The following HS6ST2 variants were observed in gnomAD, a reference collection of about 807,000 sequenced individuals.
HS6ST2 encodes the protein heparan-sulfate 6-O-sulfotransferase 2.
HS6ST2 carries 17 observed loss-of-function variants against 33.0 expected under a neutral mutation model. The ratio of observed to expected loss-of-function variants is 0.52; its 90% CI spans 0.35 to 0.77. HS6ST2 has a LOEUF of 0.77. HS6ST2 is among the 30% of genes least tolerant of loss of function. The probability of loss-of-function intolerance (pLI) is 0.01; values close to 1 mark genes in which losing one functional copy is unlikely to be tolerated. For synonymous variants in HS6ST2, 248 were observed against 237.1 expected (o/e 1.05, Z -0.42); for missense variants, 519 against 551.7 (o/e 0.94, Z 0.59).
intron 4 of HS6ST2, among the ~76,000 whole-genome samples, chrX:132,644,459 G>A (rs858622): frequency 0.45 from 49,052 of 110,010 alleles, 9,582 homozygotes; most frequent in African/African-American, 0.76. Flanking sequence ...TTGGTCAGCA[G>A]TGGGTCTAGG....
intron 2 of HS6ST2, among the ~76,000 whole-genome samples, chrX:132,766,399 A>G (rs1328229251): frequency 8.9e-6 from 1 of 112,202 alleles, no homozygotes; most frequent in Non-Finnish European, 1.9e-5. Context: ...AAGTGGTTAA[A>G]TGGAGGGCAG....
At chrX:132,869,665 C>A (rs1353095149) in intron 2 of HS6ST2, among the ~76,000 whole-genome samples, 1 of 111,910 alleles carries the variant, frequency 8.9e-6, no homozygotes, top group Non-Finnish European at 1.9e-5. Flanking sequence ...ATGACAAAAA[C>A]CACATGATTA....
At position 132,627,295 on chromosome X, in the gene HS6ST2, A is replaced by T. The variant is rs905774640; in HGVS notation, c.*928T>A. On this transcript the variant is annotated 3_prime_UTR_variant, in exon 5 of 5. Transcript: ENST00000370833. ...CTATAGAAAGAAAGTCCTGACTTTA[A>T]TCCAGGATTATATACCACAATAACT... 18 of 112,656 alleles carry T rather than the reference A, an allele frequency of 1.6e-4. No individual in the cohort carries two copies. The highest frequency in any genetic ancestry group is 5.8e-4 in the African/African-American group (18 of 30,979). 9.3% of individuals were successfully genotyped at this position (112,656 alleles called of 1,213,427 possible). A position where few individuals can be genotyped will look rare whatever the true frequency, so the allele number is the denominator to read the frequency against.
chrX:132,762,665 C>G (rs1295123294), intron 2 of HS6ST2, among the ~76,000 whole-genome samples: 1 of 111,389 alleles, frequency 9.0e-6, no homozygotes, highest in African/African-American at 3.3e-5. Context: ...CAGAAACAAG[C>G]TTTCAGACAT....
At chrX:132,771,543 C>T (rs1317715509) in intron 2 of HS6ST2, among the ~76,000 whole-genome samples, 1 of 111,237 alleles carries the variant, frequency 9.0e-6, no homozygotes. Flanking sequence ...CCTTTGTGTT[C>T]GGCATATAAC....
intron 2 of HS6ST2, among the ~76,000 whole-genome samples, chrX:132,858,519 A>G (rs973527712): frequency 2.7e-5 from 3 of 112,104 alleles, no homozygotes; most frequent in African/African-American, 9.7e-5. Context: ...AAAAGTAGAA[A>G]GAAGATGTAT....
chrX:132,733,650 A>C (rs1307613954), intron 2 of HS6ST2, among the ~76,000 whole-genome samples: 1 of 111,531 alleles, frequency 9.0e-6, no homozygotes, highest in East Asian at 2.8e-4. Flanking sequence ...GATTCAGAAC[A>C]GCAAAAAGCT....
chrX:132,677,741 C>G (rs1213402759), intron 3 of HS6ST2, among the ~76,000 whole-genome samples: 1 of 112,256 alleles, frequency 8.9e-6, no homozygotes, highest in East Asian at 2.8e-4. Flanking sequence ...TAGAGTAAAA[C>G]CAGTGAAAAT....
intron 2 of HS6ST2, among the ~76,000 whole-genome samples, chrX:132,906,952 G>A (rs1266454732): frequency 1.8e-5 from 2 of 111,389 alleles, no homozygotes; most frequent in Non-Finnish European, 3.8e-5. Flanking sequence ...GGCATGAGCC[G>A]CCATGCCCAG....
At chrX:132,902,215 C>T (rs1242182204) in intron 2 of HS6ST2, among the ~76,000 whole-genome samples, 1 of 110,682 alleles carries the variant, frequency 9.0e-6, no homozygotes, top group Non-Finnish European at 1.9e-5. Flanking sequence ...AATCCTCCCA[C>T]CTCAGCCTCC....
intron 3 of HS6ST2, among the ~76,000 whole-genome samples, chrX:132,684,303 A>G (rs1465207617): frequency 1.9e-5 from 2 of 103,720 alleles, no homozygotes; most frequent in African/African-American, 3.5e-5. Context: ...GCACACACAT[A>G]TATGTATATA....
intron 2 of HS6ST2, among the ~76,000 whole-genome samples, chrX:132,862,671 G>A (rs1326557692): frequency 2.7e-5 from 3 of 111,991 alleles, no homozygotes; most frequent in Non-Finnish European, 5.6e-5. Flanking sequence ...ATATTCACAT[G>A]TGTTAATGGC....
chrX:132,731,466 C>T (rs2064455754), intron 2 of HS6ST2, among the ~76,000 whole-genome samples: 1 of 111,573 alleles, frequency 9.0e-6, no homozygotes, highest in Admixed American at 9.5e-5. Context: ...TACATTTTGA[C>T]CCCTAAGATA....
chrX:132,769,458 C>T (rs1460644971), intron 2 of HS6ST2, among the ~76,000 whole-genome samples: 2 of 111,938 alleles, frequency 1.8e-5, no homozygotes, highest in Non-Finnish European at 3.8e-5. Flanking sequence ...GTTTCCACCA[C>T]CTAACAGGAA....
chrX:132,908,334 T>C (rs1011381342), intron 2 of HS6ST2, among the ~76,000 whole-genome samples: 5 of 112,231 alleles, frequency 4.5e-5, no homozygotes, highest in African/African-American at 1.6e-4. Context: ...ATGGTGCAGC[T>C]ACATTGGAAA....
chrX:132,852,126 T>A (rs889327472), intron 2 of HS6ST2, among the ~76,000 whole-genome samples: 1 of 111,217 alleles, frequency 9.0e-6, no homozygotes, highest in African/African-American at 3.3e-5. Flanking sequence ...GGCAACAGAG[T>A]GAGACCCTGT....
chrX:132,800,304 T>C (rs1478963056), intron 2 of HS6ST2, among the ~76,000 whole-genome samples: 1 of 111,704 alleles, frequency 9.0e-6, no homozygotes, highest in African/African-American at 3.3e-5. Context: ...ATCTAATGCC[T>C]GATGATCTGT....
intron 4 of HS6ST2, among the ~76,000 whole-genome samples, chrX:132,647,948 C>T (rs2063659470): frequency 8.9e-6 from 1 of 112,385 alleles, no homozygotes; most frequent in Non-Finnish European, 1.9e-5. Flanking sequence ...AGCAGTGTGA[C>T]TTTGGGAGAG....
chrX:132,642,447 G>C (rs77298331), intron 4 of HS6ST2, among the ~76,000 whole-genome samples: 231 of 111,226 alleles, frequency 2.1e-3, no homozygotes, highest in Non-Finnish European at 3.3e-3. Context: ...CTTTTTCTGG[G>C]GGGGTGTGGG....
Sources: allele counts gnomAD v4.1 joint callset (sites outside exome capture counted in the v4.1 genomes callset), GRCh38; gene constraint gnomAD v4.1.1; transcripts MANE v1.5; gene names NCBI Gene and HGNC (gene_info 2026-07-23, HGNC 2026-07-21).